Variants in REXO5 observed in about 807,000 individuals in gnomAD.
The protein encoded by REXO5 is RNA exonuclease 5.
In REXO5, 48 loss-of-function variants were observed where a neutral mutation model predicts 88.5. The ratio of observed to expected loss-of-function variants is 0.54; its 90% CI spans 0.43 to 0.69. The LOEUF (loss-of-function observed/expected upper bound fraction) is 0.69. REXO5 is among the 30% of genes least tolerant of loss of function. The pLI, the probability that REXO5 is intolerant of heterozygous loss-of-function variation, is 0.00. For missense variants in REXO5, 749 were observed against 912.2 expected, an observed-to-expected ratio of 0.82 and a Z score of 2.30; for synonymous variants, 311 against 336.5, an observed-to-expected ratio of 0.92 and a Z score of 0.83.
rs529742116 is a variant in REXO5 at position 20,821,688 on chromosome 16, A to G, written c.476-74A>G. Reference sequence around the variant, plus strand: ...TTGATCTTCCTTGTGCTTAGCCTATACAACCTTAGGAGACATTTCTTCTAG... The same window carrying G: ...TTGATCTTCCTTGTGCTTAGCCTATGCAACCTTAGGAGACATTTCTTCTAG... On this transcript the variant is annotated intron_variant, in intron 5 of 19. Coordinates refer to ENST00000261377, the MANE Select transcript of REXO5 (RefSeq NM_030941.3). The G allele has an allele frequency of 4.8e-5, 66 of 1,389,212 alleles. No individual in the cohort carries two copies. In the African/African-American group the frequency reaches 7.8e-4, roughly 17 times the overall value. 86.1% of individuals were successfully genotyped at this position (1,389,212 alleles called of 1,614,324 possible). A position where few individuals can be genotyped will look rare whatever the true frequency, so the allele number is the denominator to read the frequency against.
rs2081236902 is a variant in REXO5, at chr16:20,824,819, C to T, written c.705+292C>T. Among the ~76,000 whole-genome samples, 3 of 152,088 alleles carry T rather than the reference C, an allele frequency of 2.0e-5. No homozygotes were observed. In the South Asian group the frequency reaches 6.2e-4, roughly 32 times the overall value. On this transcript the variant is annotated intron_variant, in intron 7 of 19. Transcript: ENST00000261377. ...GGTCAGGAGATCAAGACCATCCTGGCCAACATGGTGAAACCCCATCTCTAC... is the reference window on the plus strand; with the variant it reads ...GGTCAGGAGATCAAGACCATCCTGGTCAACATGGTGAAACCCCATCTCTAC...
At chr16:20,819,351 C>T (rs187843292) in intron 5 of REXO5, among the ~76,000 whole-genome samples, 72 of 151,972 alleles carry the variant, frequency 4.7e-4, no homozygotes, top group African/African-American at 1.6e-3. Flanking sequence ...TTTCTAGCCT[C>T]TTTCTACTTC....
intron 2 of REXO5, among the ~76,000 whole-genome samples, chr16:20,808,580 T>A (rs917125862): frequency 6.6e-6 from 1 of 151,856 alleles, no homozygotes; most frequent in African/African-American, 2.4e-5. Flanking sequence ...TAAAAATAAG[T>A]TATAATATGT....
chr16:20,846,166 C>T, intron 18 of REXO5, 55 bp from the exon 19 acceptor site: 1 of 1,382,886 alleles, frequency 7.2e-7, no homozygotes, highest in Non-Finnish European at 1.0e-6. Context: ...GCAGCCCTTC[C>T]AAAGGTAACG....
rs2152497200 is a variant in REXO5, at chr16:20,806,612, G to A, written c.-96G>A. 2.8e-6 allele frequency: 4 copies of A among 1,405,830 alleles called. No individual in the cohort carries two copies. In the East Asian group the frequency reaches 7.6e-5, roughly 27 times the overall value. 87.1% of individuals were successfully genotyped at this position (1,405,830 alleles called of 1,614,324 possible). ...GCGTTTCCCGGGCTAGGGGGCGTGGGGAGTGGTTTTAGGCGGCGAAGCCGC... is the reference window on the plus strand; with the variant it reads ...GCGTTTCCCGGGCTAGGGGGCGTGGAGAGTGGTTTTAGGCGGCGAAGCCGC... On this transcript the variant is annotated 5_prime_UTR_variant, in exon 1 of 20. Coordinates refer to ENST00000261377, the MANE Select transcript of REXO5 (RefSeq NM_030941.3).
intron 2 of REXO5, among the ~76,000 whole-genome samples, chr16:20,809,192 C>T (rs1182417761): frequency 1.3e-5 from 2 of 152,114 alleles, no homozygotes; most frequent in Admixed American, 1.3e-4. Context: ...GTATCAAAAC[C>T]TCCCCTCAAC....
intron 3 of REXO5, among the ~76,000 whole-genome samples, chr16:20,814,532 G>A (rs1054720657): frequency 3.3e-5 from 5 of 152,066 alleles, no homozygotes; most frequent in Admixed American, 6.6e-5. Context: ...GTGAGTCACC[G>A]TGCCCAGCGA....
At chr16:20,841,611 AATTTTT>A (rs972005344) in intron 15 of REXO5, among the ~76,000 whole-genome samples, 1 of 152,082 alleles carries the variant, frequency 6.6e-6, no homozygotes. Context: ...TTTTTAATTT[AATTTTT>A]ATTTTATTTT....
At chr16:20,838,216 C>T (rs2081467263) in intron 13 of REXO5, among the ~76,000 whole-genome samples, 1 of 151,890 alleles carries the variant, frequency 6.6e-6, no homozygotes, top group South Asian at 2.1e-4. Context: ...TGTGCTTTTC[C>T]TCTACTTATC....
chr16:20,828,652 G>T, intron 11 of REXO5, 115 bp downstream of exon 11: 1 of 722,094 alleles, frequency 1.4e-6, no homozygotes, highest in Non-Finnish European at 2.4e-6. Context: ...GTGTGGGCCA[G>T]GTGCAGTGGC....
In REXO5 at chr16:20,821,800, C is replaced by T. The variant is rs1470449854; in HGVS notation, c.514C>T (p.Gln172Ter). 6.2e-7 allele frequency: 1 copy of T among 1,603,686 alleles called. No homozygotes were observed. The highest frequency in any genetic ancestry group is 1.3e-5 in the African/African-American group (1 of 74,284). Residue 172 changes from glutamine to a stop codon, truncating the protein, a stop_gained, in exon 6 of 20, where the codon CAG (glutamine) becomes TAG (stop). Coordinates refer to ENST00000261377, the MANE Select transcript of REXO5 (RefSeq NM_030941.3). LOFTEE classifies it high-confidence loss of function. ...PSNAKAAINLQDDPIIQKYGS... is the reference protein window; with the variant it reads ...PSNAKAAINL ...TAATGCAAAAGCCGCCATCAACCTT[C>T]AGGATGATCCCATCATTCAAAAGTA...
intron 2 of REXO5, among the ~76,000 whole-genome samples, chr16:20,809,726 G>C (rs1297362846): frequency 6.6e-6 from 1 of 152,130 alleles, no homozygotes. Flanking sequence ...CTTTTTCTCT[G>C]TGTAATTTTC....
intron 2 of REXO5, among the ~76,000 whole-genome samples, chr16:20,812,015 A>T (rs1389253362): frequency 6.6e-6 from 1 of 152,254 alleles, no homozygotes; most frequent in Non-Finnish European, 1.5e-5. Flanking sequence ...GAACTCAGGT[A>T]GTATGACTAG....
At position 20,816,143 on chromosome 16, in the gene REXO5, G is replaced by T; in HGVS notation, c.406G>T (p.Asp136Tyr). Reference protein sequence around the residue: ...HKFRLPPPSSDFLADVVGLQT... With the variant: ...HKFRLPPPSSYFLADVVGLQT... The stretch of plus-strand genomic sequence containing the variant: ...ATTCCGCTTGCCTCCACCATCATCT[G>T]ATTTTCTAGCTGATGTTGTTGGGCT... Residue 136 changes from aspartate to tyrosine, a missense_variant, in exon 5 of 20, where the codon GAT (aspartate) becomes TAT (tyrosine). Asp to Tyr is a radical substitution (Grantham distance 160). Transcript: ENST00000261377. 1 of 1,614,018 alleles carries T rather than the reference G, an allele frequency of 6.2e-7. No homozygotes were observed. The highest frequency in any genetic ancestry group is 8.5e-7 in the Non-Finnish European group (1 of 1,179,984).
In REXO5 at chr16:20,810,513, A is replaced by G. The variant is rs549051457; in HGVS notation, c.139-2677A>G. Among the ~76,000 whole-genome samples the G allele has an allele frequency of 1.3e-3, 204 of 151,416 alleles. 1 individual carries two copies. The highest frequency in any genetic ancestry group is 4.8e-3 in the African/African-American group (196 of 41,216). On this transcript the variant is annotated intron_variant, in intron 2 of 19. Coordinates refer to ENST00000261377, the MANE Select transcript of REXO5 (RefSeq NM_030941.3). ...ACCTCTCCCTCCCAGCGATTCTCCT[A>G]CCTCAGCCTCCTGAGTAGCTGGGAT...
chr16:20,842,478 G>GTTTTTTTTTTTTTTT (rs201370873), intron 15 of REXO5, among the ~76,000 whole-genome samples: 2 of 133,064 alleles, frequency 1.5e-5, no homozygotes, highest in Non-Finnish European at 1.6e-5. Flanking sequence ...CCTTTGTTTT[G>GTTTTTTTTTTTTTTT]TTTGTTTTTT....
chr16:20,809,162 T>G (rs887166079), intron 2 of REXO5, among the ~76,000 whole-genome samples: 3 of 152,218 alleles, frequency 2.0e-5, no homozygotes, highest in African/African-American at 7.2e-5. Context: ...TCTCAAACTT[T>G]TAGAAAAGTT....
In REXO5 at chr16:20,812,625, T is replaced by A. The variant is rs538031496; in HGVS notation, c.139-565T>A. ...GGGGATAAATTCTGATTCATTAGCT[T>A]AGGCCGCATTGATCTATGATCTGGC... On this transcript the variant is annotated intron_variant, in intron 2 of 19. Coordinates refer to ENST00000261377, the MANE Select transcript of REXO5 (RefSeq NM_030941.3). Among the ~76,000 whole-genome samples the A allele has an allele frequency of 2.0e-5, 3 of 152,292 alleles. No individual in the cohort carries two copies. In the South Asian group the frequency reaches 6.2e-4, roughly 32 times the overall value.
At chr16:20,810,174 T>C (rs558404711) in intron 2 of REXO5, among the ~76,000 whole-genome samples, 66 of 152,332 alleles carry the variant, frequency 4.3e-4, no homozygotes, top group African/African-American at 1.4e-3. Context: ...TAGAATGATA[T>C]TTAGATTTGG....
Sources: gnomAD v4.1 joint callset for allele counts (sites outside exome capture counted in the v4.1 genomes callset) on GRCh38, gnomAD v4.1.1 for gene constraint, MANE v1.5 for transcripts, NCBI Gene and HGNC (gene_info 2026-07-23, HGNC 2026-07-21) for gene names.